The following AGAP1 variants were observed in gnomAD, a reference collection of about 807,000 sequenced individuals.
AGAP1 encodes ArfGAP with GTPase domain, ankyrin repeat and PH domain 1, also known as arf-GAP with GTPase, ANK repeat and PH domain-containing protein 1.
AGAP1 carries 29 observed loss-of-function variants against 105.3 expected under a neutral mutation model. The observed-to-expected ratio is 0.28, with a 90% confidence interval of 0.21 to 0.38. The LOEUF is 0.38. Ranked by LOEUF, AGAP1 falls within the 10% of genes least tolerant of loss-of-function variation. AGAP1 has a pLI of 1.00. For synonymous variants in AGAP1, 509 were observed against 485.9 expected (o/e 1.05, Z -0.63); for missense variants, 998 against 1,165.1 (o/e 0.86, Z 2.09).
chr2:235,746,743 G>A (rs962995235), intron 5 of AGAP1, among the ~76,000 whole-genome samples: 3 of 151,972 alleles, frequency 2.0e-5, no homozygotes, highest in South Asian at 2.1e-4. Flanking sequence ...AGGGTCCTTC[G>A]GGGCTGTGTG....
At chr2:235,868,409 G>C (rs2049284502) in intron 9 of AGAP1, among the ~76,000 whole-genome samples, 1 of 152,160 alleles carries the variant, frequency 6.6e-6, no homozygotes, top group Admixed American at 6.5e-5. Context: ...AAGCCGATGA[G>C]GAATGCTGCC....
At position 235,936,724 on chromosome 2, in the gene AGAP1, G is replaced by A. The variant is rs1033255489; in HGVS notation, c.1483+5801G>A. ...GACCTGGAAGCTTCTTTGATGGGAG[G>A]GTATCAGTGAAGCGTGGTGGGGAGG... On this transcript the variant is annotated intron_variant, in intron 12 of 17. Transcript: ENST00000304032. The surrounding 1 kb of genome is among the most constrained non-coding windows in gnomAD (Gnocchi z 4.7). Among the ~76,000 whole-genome samples, 1 of 152,108 alleles carries A rather than the reference G, an allele frequency of 6.6e-6. No individual in the cohort carries two copies. Among genetic ancestry groups the A allele is most frequent in the Non-Finnish European group, 1.5e-5 (1 of 68,022 alleles).
chr2:235,806,108 C>T lies in AGAP1; in HGVS notation c.958-1131C>T, dbSNP rs142112087. 5.4e-3 allele frequency among the ~76,000 whole-genome samples: 825 copies of T among 152,228 alleles called. 5 individuals are homozygous for T. The highest frequency in any genetic ancestry group is 7.8e-3 in the Non-Finnish European group (528 of 68,010). ...TTTGTATTATGACCCATGACATTGC[C>T]CCTTTAATATGTATGTTTTTTAAAT... On this transcript the variant is annotated intron_variant, in intron 8 of 17. Transcript: ENST00000304032.
At chr2:235,738,384 C>T (rs893602621) in intron 3 of AGAP1, among the ~76,000 whole-genome samples, 4 of 151,860 alleles carry the variant, frequency 2.6e-5, no homozygotes, top group African/African-American at 7.3e-5. Flanking sequence ...ACTGAGGCAT[C>T]GAGCAGTTGA....
intron 12 of AGAP1, among the ~76,000 whole-genome samples, chr2:235,954,035 G>A (rs1014587005): frequency 6.6e-6 from 1 of 152,140 alleles, no homozygotes; most frequent in African/African-American, 2.4e-5. Context: ...TTTGAGACCA[G>A]CCTGACCAAC....
At chr2:235,512,772 G>T (rs1453119350) in intron 1 of AGAP1, among the ~76,000 whole-genome samples, 3 of 152,182 alleles carry the variant, frequency 2.0e-5, no homozygotes, top group Non-Finnish European at 4.4e-5. Context: ...TGGCTCCTGG[G>T]TCCCTCCTGA....
rs1298528093 is a variant in AGAP1 at position 235,845,924 on chromosome 2, T to C, written c.1051-37421T>C. Reference sequence around the variant, plus strand: ...TGCCCTCCTTCCTGCACCCCCAGAGTGGCCCCTCCACTCACCCTTCAGCTG... The same window carrying C: ...TGCCCTCCTTCCTGCACCCCCAGAGCGGCCCCTCCACTCACCCTTCAGCTG... On this transcript the variant is annotated intron_variant, in intron 9 of 17. Transcript: ENST00000304032. This position sits in a 1 kb window ranked among gnomAD's most constrained non-coding sequence, Gnocchi z 4.8. Among the ~76,000 whole-genome samples, 5 of 151,994 alleles carry C rather than the reference T, an allele frequency of 3.3e-5. No homozygotes were observed. Among genetic ancestry groups the C allele is most frequent in the African/African-American group, 4.8e-5 (2 of 41,366 alleles).
At chr2:235,779,614 T>C (rs2149917886) in intron 6 of AGAP1, among the ~76,000 whole-genome samples, 1 of 152,336 alleles carries the variant, frequency 6.6e-6, no homozygotes, top group East Asian at 1.9e-4. Flanking sequence ...TAGATGGCAG[T>C]ACCGCCCTGG....
In AGAP1 at chr2:235,904,017, G is replaced by C. The variant is rs2051184723; in HGVS notation, c.1156-4721G>C. On this transcript the variant is annotated intron_variant, in intron 10 of 17. Transcript: ENST00000304032. The surrounding 1 kb of genome is among the most constrained non-coding windows in gnomAD (Gnocchi z 4.2). The stretch of plus-strand genomic sequence containing the variant: ...CTGTGCTGCTGTCAGCAAGCTGAAA[G>C]CTATGGGTCTCTGACACGGCTCTCA... Among the ~76,000 whole-genome samples the C allele has an allele frequency of 6.6e-6, 1 of 152,028 alleles. No individual in the cohort carries two copies. The highest frequency in any genetic ancestry group is 1.5e-5 in the Non-Finnish European group (1 of 68,032).
At position 235,721,895 on chromosome 2, in the gene AGAP1, T is replaced by C. The variant is rs1391574184; in HGVS notation, c.310+4251T>C. ...ATACATCAGATGCATTTTAGCTCCA[T>C]CCCAGAGGGTAACATCTGCTGTCTT... On this transcript the variant is annotated intron_variant, in intron 3 of 17. Transcript: ENST00000304032. This position sits in a 1 kb window ranked among gnomAD's most constrained non-coding sequence, Gnocchi z 4.5. Among the ~76,000 whole-genome samples, 2 of 152,050 alleles carry C rather than the reference T, an allele frequency of 1.3e-5. No homozygotes were observed. Among genetic ancestry groups the C allele is most frequent in the African/African-American group, 4.8e-5 (2 of 41,466 alleles).
chr2:235,899,563 C>T (rs778028202), intron 10 of AGAP1, among the ~76,000 whole-genome samples: 33 of 152,286 alleles, frequency 2.2e-4, no homozygotes, highest in Non-Finnish European at 3.1e-4. Flanking sequence ...TTAGCAAATT[C>T]GTCCAAAGAA....
Position 235,995,789 on chromosome 2 carries a change from T to G in AGAP1, c.1645+27166T>G, listed in dbSNP as rs574670278. Among the ~76,000 whole-genome samples, 5 of 152,188 alleles carry G rather than the reference T, an allele frequency of 3.3e-5. No individual in the cohort carries two copies. The South Asian group carries it at 1.0e-3, about 32-fold the overall frequency. ...GCATCACTGCAAGCTGTGGCCTGAG[T>G]GTGGTGATGGTGAGGATGACCCTGT... On this transcript the variant is annotated intron_variant, in intron 13 of 17. Coordinates refer to ENST00000304032, the MANE Select transcript of AGAP1 (RefSeq NM_001037131.3).
intron 1 of AGAP1, among the ~76,000 whole-genome samples, chr2:235,595,383 A>G (rs1945492363): frequency 6.6e-6 from 1 of 152,184 alleles, no homozygotes; most frequent in Admixed American, 6.5e-5. Context: ...ACTGAAATAC[A>G]TTCTCAGGAA....
intron 1 of AGAP1, among the ~76,000 whole-genome samples, chr2:235,498,966 AG>A (rs1188345477): frequency 1.3e-5 from 2 of 152,240 alleles, no homozygotes; most frequent in Non-Finnish European, 2.9e-5. Flanking sequence ...AAGATGGGTC[AG>A]GGTTCCCCAC....
intron 1 of AGAP1, among the ~76,000 whole-genome samples, chr2:235,669,250 G>A (rs1006787503): frequency 3.9e-5 from 6 of 152,142 alleles, no homozygotes; most frequent in Non-Finnish European, 8.8e-5. Flanking sequence ...TGAGGTTGGC[G>A]GTAACAGGTA....
At chr2:235,685,340 GT>G in intron 1 of AGAP1, among the ~76,000 whole-genome samples, 1 of 151,980 alleles carries the variant, frequency 6.6e-6, no homozygotes, top group Non-Finnish European at 1.5e-5. Flanking sequence ...TCAGGGCTCA[GT>G]TCTCATCTCT....
intron 1 of AGAP1, among the ~76,000 whole-genome samples, chr2:235,583,986 A>C (rs1182525203): frequency 6.7e-6 from 1 of 150,264 alleles, no homozygotes; most frequent in Non-Finnish European, 1.5e-5. Context: ...GATTATGGGC[A>C]TGAGCCACCA....
rs754808143 is a variant in AGAP1 at position 235,859,400 on chromosome 2, C to CT, written c.1051-23945_1051-23944insT. Among the ~76,000 whole-genome samples, 12 of 85,812 alleles carry CT rather than the reference C, an allele frequency of 1.4e-4. No homozygotes were observed. In the East Asian group the frequency reaches 3.2e-3, roughly 23 times the overall value. The allele number at this position is 85,812 out of a possible 152,430, so 56.3% of individuals were successfully genotyped here. On this transcript the variant is annotated intron_variant, in intron 9 of 17. Coordinates refer to ENST00000304032, the MANE Select transcript of AGAP1 (RefSeq NM_001037131.3). ...AACTCTCCCCCCACAACCTCCCCCC[C>CT]CCCCCCCGCCTTTTGTTCCATCCCC...
At chr2:235,632,769 A>T (rs367735075) in intron 1 of AGAP1, among the ~76,000 whole-genome samples, 2 of 152,140 alleles carry the variant, frequency 1.3e-5, no homozygotes, top group African/African-American at 4.8e-5. Context: ...GAGACTTGAT[A>T]GCCGGCCATT....
Sources: gnomAD v4.1 joint callset for allele counts (sites outside exome capture counted in the v4.1 genomes callset) on GRCh38, gnomAD v4.1.1 for gene constraint, Gnocchi (gnomAD v3.1) non-coding constraint, MANE v1.5 for transcripts, NCBI Gene and HGNC (gene_info 2026-07-23, HGNC 2026-07-21) for gene names.